Variants in OTOF observed in about 807,000 individuals in gnomAD.
OTOF encodes otoferlin.
OTOF carries 218 observed loss-of-function variants against 236.8 expected under a neutral mutation model. That is an observed-to-expected ratio of 0.92 (90% CI 0.82 to 1.03). The LOEUF is 1.03. OTOF is among the 50% of genes least tolerant of loss of function. OTOF has a pLI of 0.00. For synonymous variants in OTOF, 1,041 were observed against 1,072.5 expected (o/e 0.97, Z 0.57); for missense variants, 2,590 against 2,694.4 (o/e 0.96, Z 0.86).
chr2:26,533,047 G>A (rs1666987080), intron 2 of OTOF, among the ~76,000 whole-genome samples: 2 of 152,200 alleles, frequency 1.3e-5, no homozygotes, highest in Admixed American at 1.3e-4. Context: ...CACAGCAAGA[G>A]GTGAGCCGCG....
intron 1 of OTOF, among the ~76,000 whole-genome samples, chr2:26,550,034 C>T (rs1319782427): frequency 1.3e-5 from 2 of 151,622 alleles, no homozygotes; most frequent in African/African-American, 2.4e-5. Context: ...GGGAGGGTGA[C>T]TCTTTTACTC....
At position 26,537,762 on chromosome 2, in the gene OTOF, TAGA is replaced by T. The variant is rs1344352003; in HGVS notation, c.89_91del (p.Phe30del). The T allele has an allele frequency of 9.7e-6, 15 of 1,553,456 alleles. No individual in the cohort carries two copies. Among genetic ancestry groups the T allele is most frequent in the Non-Finnish European group, 1.1e-5 (13 of 1,147,764 alleles). On this transcript the variant is annotated inframe_deletion, in exon 2 of 47. Transcript: ENST00000272371. Reference sequence around the variant, plus strand: ...CTCACAGTTCTCCAGGACCCGAGAGTAGAAGGATTGCCCTGTGGGGAAAGAGGA... The same window carrying T: ...CTCACAGTTCTCCAGGACCCGAGAGTAGGATTGCCCTGTGGGGAAAGAGGA...
At chr2:26,520,895 C>T (rs113090202) in intron 3 of OTOF, among the ~76,000 whole-genome samples, 57 of 152,326 alleles carry the variant, frequency 3.7e-4, no homozygotes, top group African/African-American at 1.3e-3. Context: ...ACCTGGAGGG[C>T]TTGTGAAAAC....
At chr2:26,541,077 G>T (rs183548986) in intron 1 of OTOF, among the ~76,000 whole-genome samples, 4 of 152,198 alleles carry the variant, frequency 2.6e-5, no homozygotes, top group Admixed American at 6.5e-5. Flanking sequence ...AAAGGCCTTT[G>T]CATCCTAGAA....
chr2:26,524,369 C>T (rs1056543465), intron 3 of OTOF, among the ~76,000 whole-genome samples: 1 of 152,160 alleles, frequency 6.6e-6, no homozygotes, highest in Non-Finnish European at 1.5e-5. Flanking sequence ...ATTATCCAGG[C>T]CTGGTGGCAT....
At chr2:26,474,784 AC>A (rs1572424263) in intron 25 of OTOF, 110 bp from the exon 26 acceptor site, 1 of 1,216,570 alleles carries the variant, frequency 8.2e-7, no homozygotes, top group Non-Finnish European at 1.2e-6. Flanking sequence ...AGGTGTGATC[AC>A]CCCATTTTAC....
At chr2:26,469,687 G>A (rs763427770) in intron 32 of OTOF, among the ~76,000 whole-genome samples, 3 of 152,222 alleles carry the variant, frequency 2.0e-5, no homozygotes, top group African/African-American at 4.8e-5. Flanking sequence ...TGACACCACT[G>A]AGCCACCATA....
chr2:26,521,741 G>A (rs1666681568), intron 3 of OTOF, among the ~76,000 whole-genome samples: 1 of 152,224 alleles, frequency 6.6e-6, no homozygotes, highest in African/African-American at 2.4e-5. Context: ...GGGAAGCGGT[G>A]TAGACAGTGA....
rs1254129789 is a variant in OTOF at position 26,483,652 on chromosome 2, C to A, written c.1206-4G>T. 1 of 1,611,574 alleles carries A rather than the reference C, an allele frequency of 6.2e-7. No individual in the cohort carries two copies. Among genetic ancestry groups the A allele is most frequent in the East Asian group, 2.2e-5 (1 of 44,894 alleles). On this transcript the variant is annotated splice_polypyrimidine_tract_variant and splice_region_variant and intron_variant, in intron 12 of 46. Transcript: ENST00000272371. ...CCCCTCGGGGAGCAGCAAGTTCCTG[C>A]CAGCACATACAGCCAGGGCCATGGT...
At position 26,474,765 on chromosome 2, in the gene OTOF, G is replaced by A. The variant is rs1285119879; in HGVS notation, c.3127-91C>T. On this transcript the variant is annotated intron_variant, in intron 25 of 46. Transcript: ENST00000272371. ...CCTTACCACAGCGCCATGAGTTGTT[G>A]TAAGGGACAGGTGTGATCACCCCAT... 39 of 1,426,178 alleles carry A rather than the reference G, an allele frequency of 2.7e-5. No individual in the cohort carries two copies. In the East Asian group the frequency reaches 8.2e-4, roughly 30 times the overall value. The allele number at this position is 1,426,178 out of a possible 1,614,324, so 88.3% of individuals were successfully genotyped here. A position where few individuals can be genotyped will look rare whatever the true frequency, so the allele number is the denominator to read the frequency against.
intron 2 of OTOF, 42 bp from the exon 3 acceptor site, chr2:26,527,962 G>T: frequency 7.1e-7 from 1 of 1,415,490 alleles, no homozygotes; most frequent in Non-Finnish European, 1.0e-6. Flanking sequence ...GGCAATAACA[G>T]GTAGGAGCCG....
At chr2:26,550,316 G>C (rs1278414772) in intron 1 of OTOF, among the ~76,000 whole-genome samples, 3 of 152,120 alleles carry the variant, frequency 2.0e-5, no homozygotes, top group Non-Finnish European at 4.4e-5. Context: ...AACTGTCACC[G>C]AGAGAAATGG....
chr2:26,483,716 C>T, intron 12 of OTOF, 68 bp from the exon 13 acceptor site: 1 of 1,422,974 alleles, frequency 7.0e-7, no homozygotes, highest in Non-Finnish European at 9.8e-7. Context: ...CTGGCATCTA[C>T]ACACTCCTGG....
intron 2 of OTOF, among the ~76,000 whole-genome samples, chr2:26,531,412 T>A (rs1666945684): frequency 6.6e-6 from 1 of 152,128 alleles, no homozygotes; most frequent in Admixed American, 6.5e-5. Flanking sequence ...ATATCTACCT[T>A]AGAGGGCTAT....
intron 46 of OTOF, 122 bp from the exon 47 acceptor site, chr2:26,458,342 A>G: frequency 9.9e-7 from 1 of 1,010,282 alleles, no homozygotes; most frequent in Non-Finnish European, 1.5e-6. Flanking sequence ...AAAAGCAGTG[A>G]ATGCTGGAGC....
In OTOF at chr2:26,460,820, T is replaced by C; in HGVS notation, c.5712+32A>G. On this transcript the variant is annotated intron_variant, in intron 44 of 46. Coordinates refer to ENST00000272371, the MANE Select transcript of OTOF (RefSeq NM_194248.3). The surrounding 1 kb of genome is among the most constrained non-coding windows in gnomAD (Gnocchi z 5.3). ...TTGGCACCCCAGCCAGTCCCAGCCCTGCCTACTGCCCGAGCAGGAAGGGGT... is the reference window on the plus strand; with the variant it reads ...TTGGCACCCCAGCCAGTCCCAGCCCCGCCTACTGCCCGAGCAGGAAGGGGT... The C allele has an allele frequency of 6.2e-7, 1 of 1,613,994 alleles. No homozygotes were observed. The highest frequency in any genetic ancestry group is 8.5e-7 in the Non-Finnish European group (1 of 1,179,942).
At position 26,468,465 on chromosome 2, in the gene OTOF, G is replaced by C; in HGVS notation, c.4033C>G (p.Gln1345Glu). The change falls in exon 33 of 47, where the codon CAA becomes GAA. Residue 1345 changes from glutamine (Q) to glutamate (E), a missense_variant. Transcript: ENST00000272371. ...AAGTCAATTCCAGAGGGCTCTTGTT[G>C]TCGAAGTTGCTGCCAAAAGATGAGA... ...SIDTMKEQLR[Q>E]QEPSGIDLEE... is the part of the protein sequence containing the mutation. The C allele has an allele frequency of 1.9e-6, 3 of 1,613,966 alleles. No homozygotes were observed. The highest frequency in any genetic ancestry group is 2.5e-6 in the Non-Finnish European group (3 of 1,179,874).
chr2:26,528,543 C>A (rs543843071), intron 2 of OTOF, among the ~76,000 whole-genome samples: 13 of 152,344 alleles, frequency 8.5e-5, no homozygotes, highest in Non-Finnish European at 1.6e-4. Flanking sequence ...CTAGATTCAC[C>A]CTTACCACTT....
chr2:26,482,432 C>A lies in OTOF; in HGVS notation c.1553G>T (p.Arg518Leu), dbSNP rs150090360. The change falls in exon 14 of 47, where the codon CGC (arginine) becomes CTC (leucine). Residue 518 changes from arginine to leucine, a missense_variant. By Grantham distance (102) the Arg-to-Leu change is moderately radical. Around this residue, in one of 2 missense-constraint regions of OTOF, gnomAD observed 1,379 missense variants for 1,341.6 expected, o/e 1.03. Coordinates refer to ENST00000272371, the MANE Select transcript of OTOF (RefSeq NM_194248.3). The stretch of plus-strand genomic sequence containing the variant: ...TTTGTCTCCGTCATTAGAAATCTTG[C>A]GCAGGTCAATGAAGTGGGTGCCGAT... The part of the protein sequence containing the change: ...VAIGTHFIDL[R>L]KISNDGDKGF... 4.2e-5 allele frequency: 67 copies of A among 1,613,238 alleles called. No individual in the cohort carries two copies. The East Asian group carries it at 4.9e-4, about 12-fold the overall frequency.
Sources: gnomAD v4.1 joint callset for allele counts (sites outside exome capture counted in the v4.1 genomes callset) on GRCh38, gnomAD v4.1.1 for gene constraint, gnomAD v4.1.1 regional missense constraint, Gnocchi (gnomAD v3.1) non-coding constraint, MANE v1.5 for transcripts, NCBI Gene and HGNC (gene_info 2026-07-23, HGNC 2026-07-21) for gene names.